SUGCT: variants seen among roughly 807,000 people sequenced by gnomAD.
SUGCT encodes succinyl-CoA:glutarate-CoA transferase.
SUGCT carries 41 observed loss-of-function variants against 55.0 expected under a neutral mutation model. The ratio of observed to expected loss-of-function variants is 0.74; its 90% CI spans 0.58 to 0.97. The LOEUF is 0.97. Ranked by LOEUF, SUGCT falls within the 50% of genes least tolerant of loss-of-function variation. The pLI, the probability that SUGCT is intolerant of heterozygous loss-of-function variation, is 0.00. For missense variants in SUGCT, 568 were observed against 547.8 expected (o/e 1.04, Z -0.37); for synonymous variants, 187 against 200.4 (o/e 0.93, Z 0.56).
chr7:41,020,730 G>A, the SUGCT span, among the ~76,000 whole-genome samples: 17 of 152,154 alleles, frequency 1.1e-4, no homozygotes, highest in African/African-American at 3.1e-4. Flanking sequence ...GTGGAGGGCT[G>A]GACTATTGTA....
downstream of SUGCT, among the ~76,000 whole-genome samples, chr7:40,863,700 C>T (rs1190861384): frequency 6.6e-6 from 1 of 152,130 alleles, no homozygotes; most frequent in African/African-American, 2.4e-5. Context: ...TTATGATAGT[C>T]TCCTTGCATT....
At chr7:40,291,037 A>G (rs1325449613) in intron 8 of SUGCT, among the ~76,000 whole-genome samples, 4 of 152,154 alleles carry the variant, frequency 2.6e-5, no homozygotes, top group Non-Finnish European at 5.9e-5. Context: ...AGAAATAGGA[A>G]CACTTTTACA....
the SUGCT span, among the ~76,000 whole-genome samples, chr7:40,952,689 AT>A: frequency 6.6e-6 from 1 of 152,100 alleles, no homozygotes; most frequent in Non-Finnish European, 1.5e-5. Flanking sequence ...TCCGTAAAGG[AT>A]TTTATTTCTC....
chr7:40,932,080 T>C, the SUGCT span, among the ~76,000 whole-genome samples: 1 of 152,240 alleles, frequency 6.6e-6, no homozygotes, highest in African/African-American at 2.4e-5. Context: ...AATTTCCCTC[T>C]ACACGCTGCT....
chr7:40,650,854 A>G (rs1047084592), intron 12 of SUGCT, among the ~76,000 whole-genome samples: 3 of 151,966 alleles, frequency 2.0e-5, no homozygotes, highest in African/African-American at 7.3e-5. Flanking sequence ...TATTTTTCCT[A>G]ATGTTGTCCC....
At chr7:40,527,918 GT>G (rs1380434634) in intron 12 of SUGCT, among the ~76,000 whole-genome samples, 9 of 152,058 alleles carry the variant, frequency 5.9e-5, no homozygotes, top group Non-Finnish European at 8.8e-5. Flanking sequence ...TTTATGCCTA[GT>G]TTTTTTCTTT....
At chr7:40,174,365 T>C (rs10263184) in intron 1 of SUGCT, among the ~76,000 whole-genome samples, 3 of 152,128 alleles carry the variant, frequency 2.0e-5, no homozygotes, top group African/African-American at 7.2e-5. Flanking sequence ...GCTCATGTTA[T>C]TTCCCGATCT....
chr7:40,285,557 C>T (rs1016038967), intron 8 of SUGCT, among the ~76,000 whole-genome samples: 2 of 150,808 alleles, frequency 1.3e-5, no homozygotes, highest in Non-Finnish European at 2.9e-5. Flanking sequence ...ATTGGCTAAT[C>T]AATCAGTGGT....
the SUGCT span, among the ~76,000 whole-genome samples, chr7:40,926,021 A>G: frequency 6.6e-6 from 1 of 151,898 alleles, no homozygotes; most frequent in African/African-American, 2.4e-5. Context: ...TTGAGCCAGG[A>G]GTTTGAGGTT....
intron 12 of SUGCT, among the ~76,000 whole-genome samples, chr7:40,553,341 A>G (rs1795398728): frequency 6.6e-6 from 1 of 152,186 alleles, no homozygotes; most frequent in African/African-American, 2.4e-5. Context: ...TTTAGTTAGG[A>G]AAATGTATAT....
At chr7:41,023,071 A>T in the SUGCT span, among the ~76,000 whole-genome samples, 2 of 152,160 alleles carry the variant, frequency 1.3e-5, no homozygotes, top group African/African-American at 4.8e-5. Context: ...TGTGAGCTGA[A>T]GTGGTGTGTG....
the SUGCT span, among the ~76,000 whole-genome samples, chr7:40,974,620 A>T: frequency 6.6e-6 from 1 of 152,204 alleles, no homozygotes; most frequent in Non-Finnish European, 1.5e-5. Context: ...GCCTGAGATG[A>T]CCAATACAGA....
intron 9 of SUGCT, among the ~76,000 whole-genome samples, chr7:40,407,304 G>A (rs545895631): frequency 6.6e-6 from 1 of 151,982 alleles, no homozygotes; most frequent in Non-Finnish European, 1.5e-5. Flanking sequence ...AAAGCTGGAT[G>A]AAATGGCTTT....
At chr7:40,228,517 T>A (rs1325108586) in intron 6 of SUGCT, among the ~76,000 whole-genome samples, 2 of 152,124 alleles carry the variant, frequency 1.3e-5, no homozygotes, top group Non-Finnish European at 2.9e-5. Flanking sequence ...TGTGTTTTTG[T>A]TGTTTTGTTT....
chr7:40,188,349 A>T, intron 3 of SUGCT, 146 bp from the exon 4 acceptor site: 1 of 569,410 alleles, frequency 1.8e-6, no homozygotes, highest in Non-Finnish European at 3.0e-6. Flanking sequence ...CAGGAGAATT[A>T]CCCGAACCCA....
intron 1 of SUGCT, among the ~76,000 whole-genome samples, chr7:40,144,083 T>TG (rs1386937029): frequency 6.6e-6 from 1 of 152,148 alleles, no homozygotes; most frequent in Non-Finnish European, 1.5e-5. Context: ...AGCTCTACAC[T>TG]GGGGGGCAAG....
the SUGCT span, among the ~76,000 whole-genome samples, chr7:41,018,052 G>A: frequency 6.6e-6 from 1 of 151,848 alleles, no homozygotes; most frequent in South Asian, 2.1e-4. Flanking sequence ...TCAAAGGAAG[G>A]CAGCCCTAAG....
At chr7:40,512,768 G>A (rs957593640) in intron 12 of SUGCT, among the ~76,000 whole-genome samples, 1 of 152,014 alleles carries the variant, frequency 6.6e-6, no homozygotes, top group African/African-American at 2.4e-5. Context: ...TGAAACTGCT[G>A]GGGAAATATG....
the SUGCT span, among the ~76,000 whole-genome samples, chr7:40,897,897 C>T: frequency 1.7e-5 from 2 of 116,336 alleles, no homozygotes; most frequent in African/African-American, 2.6e-5. Flanking sequence ...TAAAATGGAC[C>T]AATCAGCTCT....
Sources: allele counts gnomAD v4.1 joint callset (sites outside exome capture counted in the v4.1 genomes callset), GRCh38; gene constraint gnomAD v4.1.1; transcripts MANE v1.5; gene names NCBI Gene and HGNC (gene_info 2026-07-23, HGNC 2026-07-21).